The following ZFHX3 variants were observed in gnomAD, a reference collection of about 807,000 sequenced individuals.
ZFHX3 encodes zinc finger homeobox protein 3.
Under a neutral mutation model 279.1 loss-of-function variants are expected in ZFHX3, and 42 were observed. That is an observed-to-expected ratio of 0.15 (90% CI 0.12 to 0.19). The LOEUF (loss-of-function observed/expected upper bound fraction) is 0.19, where lower values mean the gene tolerates loss of function less well. Among genes scored for constraint, ZFHX3 ranks in the 10% least tolerant of loss-of-function variants. The pLI is 1.00. For synonymous variants in ZFHX3, 2,293 were observed against 1,957.8 expected (o/e 1.17, Z -4.52); for missense variants, 4,981 against 4,754.0 (o/e 1.05, Z -1.40).
rs1375258532 is a variant in ZFHX3 at position 72,900,392 on chromosome 16, G to A, written c.3217-10430C>T. ...AGCAGAAAAAAACACGTGTCTACTG[G>A]TCAAAACGGGTGTGCTACTTCATCT... On this transcript the variant is annotated intron_variant, in intron 3 of 9. Coordinates refer to ENST00000268489, the MANE Select transcript of ZFHX3 (RefSeq NM_006885.4). Among the ~76,000 whole-genome samples, 16 of 152,192 alleles carry A rather than the reference G, an allele frequency of 1.1e-4. 1 individual carries two copies. Among genetic ancestry groups the A allele is most frequent in the Admixed American group, 1.0e-3 (16 of 15,272 alleles).
chr16:73,539,564 G>C (rs1481047618), intron 2 of ZFHX3, among the ~76,000 whole-genome samples: 1 of 148,474 alleles, frequency 6.7e-6, no homozygotes, highest in African/African-American at 2.5e-5. Flanking sequence ...CCACAAAGCA[G>C]CATGCCAGCA....
chr16:72,903,475 T>G (rs969648858), intron 3 of ZFHX3, among the ~76,000 whole-genome samples: 2 of 152,138 alleles, frequency 1.3e-5, no homozygotes, highest in Non-Finnish European at 2.9e-5. Flanking sequence ...AGGGATAACC[T>G]CCTCATATGT....
chr16:73,298,425 C>G (rs1363236953), intron 4 of ZFHX3, among the ~76,000 whole-genome samples: 1 of 151,688 alleles, frequency 6.6e-6, no homozygotes, highest in Non-Finnish European at 1.5e-5. Flanking sequence ...CTCAGGTGCT[C>G]CGCCTACCTC....
chr16:73,235,838 G>A (rs1366242244), intron 5 of ZFHX3, among the ~76,000 whole-genome samples: 1 of 151,982 alleles, frequency 6.6e-6, no homozygotes, highest in Non-Finnish European at 1.5e-5. Flanking sequence ...GCTAGGCAAA[G>A]TTTCGTATTT....
intron 1 of ZFHX3, among the ~76,000 whole-genome samples, chr16:72,970,086 G>A (rs919717285): frequency 6.6e-6 from 1 of 152,242 alleles, no homozygotes; most frequent in African/African-American, 2.4e-5. Flanking sequence ...CCATTCTGCA[G>A]GGAATCCACA....
At chr16:73,127,178 G>T (rs1452383664) in intron 7 of ZFHX3, 3 of 376,448 alleles carry the variant, frequency 8.0e-6, no homozygotes, top group Non-Finnish European at 1.4e-5. Context: ...CCTGTTGGAA[G>T]AAGGGTCTGA....
At chr16:73,058,672 CGGCGGCGGCGGAGGACGCGCTGCT>C (rs1011171372) in exon 1 of ZFHX3, 21 of 222,442 alleles carry the variant, frequency 9.4e-5, no homozygotes, top group Non-Finnish European at 1.2e-4. Flanking sequence ...TGGCGGGGGT[CGGCGGCGGCGGAGGACGCGCTGCT>C]GGCGGCGGCG....
intron 7 of ZFHX3, among the ~76,000 whole-genome samples, chr16:73,112,385 G>C (rs750040710): frequency 7.2e-5 from 11 of 151,996 alleles, no homozygotes; most frequent in Non-Finnish European, 1.3e-4. Flanking sequence ...AAATTAAAAG[G>C]ATGACAACAA....
chr16:72,967,423 T>G (rs963032129), intron 1 of ZFHX3, among the ~76,000 whole-genome samples: 2 of 151,978 alleles, frequency 1.3e-5, no homozygotes, highest in Non-Finnish European at 2.9e-5. Flanking sequence ...CAACCCAATG[T>G]GTAACATAAC....
rs143430120 is a variant in ZFHX3, at chr16:73,771,943, T to G, written c.-1607-91703A>C. 5.0e-3 allele frequency among the ~76,000 whole-genome samples: 755 copies of G among 152,072 alleles called. 8 individuals carry two copies. The highest frequency in any genetic ancestry group is 0.017 in the African/African-American group (710 of 41,366). On this transcript the variant is annotated intron_variant, in intron 1 of 17. Transcript: ENST00000641206. ...CAGAGGCCTTTCTTCTGGGAGGATATAAATTACTTCTTCAGTCAGTCCACT... is the reference window on the plus strand; with the variant it reads ...CAGAGGCCTTTCTTCTGGGAGGATAGAAATTACTTCTTCAGTCAGTCCACT...
intron 2 of ZFHX3, among the ~76,000 whole-genome samples, chr16:73,601,977 G>C (rs1282427540): frequency 6.6e-6 from 1 of 152,054 alleles, no homozygotes; most frequent in African/African-American, 2.4e-5. Context: ...TTCCAATAAA[G>C]AAAATGAGGC....
intron 2 of ZFHX3, 28 bp from the exon 3 acceptor site, chr16:72,950,993 C>CGAA (rs778213941): frequency 6.3e-7 from 1 of 1,596,882 alleles, no homozygotes; most frequent in Non-Finnish European, 8.6e-7. Flanking sequence ...AGGAGAGAGT[C>CGAA]AGACACCAGG....
Position 72,797,957 on chromosome 16 carries a change from T to C in ZFHX3, c.4725A>G (p.Arg1575=). Residue 1575 remains arginine (R), a synonymous_variant, in exon 9 of 10, where the codon AGA becomes AGG. Coordinates refer to ENST00000268489, the MANE Select transcript of ZFHX3 (RefSeq NM_006885.4). The stretch of plus-strand genomic sequence containing the variant: ...GACCGGTTGCTGATTCTTGAAGGGC[T>C]CTCTTTAACTTATGCAGGTGGGAGA... ...NSVSHLHKLK[R]ALQESATGQP... 1 of 1,614,210 alleles carries C rather than the reference T, an allele frequency of 6.2e-7. No homozygotes were observed. The highest frequency in any genetic ancestry group is 8.5e-7 in the Non-Finnish European group (1 of 1,180,038).
At chr16:73,287,322 G>A (rs901547092) in intron 4 of ZFHX3, among the ~76,000 whole-genome samples, 6 of 144,434 alleles carry the variant, frequency 4.2e-5, no homozygotes, top group Admixed American at 2.0e-4. Context: ...TGGGTGTGTG[G>A]GCCAGTGTGT....
chr16:73,823,977 G>C (rs183308539), intron 1 of ZFHX3, among the ~76,000 whole-genome samples: 1 of 152,244 alleles, frequency 6.6e-6, no homozygotes, highest in African/African-American at 2.4e-5. Context: ...TTTGCTTCAC[G>C]GAATAACTAC....
intron 1 of ZFHX3, among the ~76,000 whole-genome samples, chr16:73,884,855 T>C (rs375788562): frequency 3.3e-5 from 5 of 152,232 alleles, no homozygotes; most frequent in Admixed American, 2.6e-4. Context: ...TATTGTTTAT[T>C]GTCCTCTTCC....
At chr16:73,832,776 A>G (rs1961032921) in intron 1 of ZFHX3, among the ~76,000 whole-genome samples, 1 of 152,122 alleles carries the variant, frequency 6.6e-6, no homozygotes, top group African/African-American at 2.4e-5. Flanking sequence ...ATGCTGGTAT[A>G]TGTTAAATAT....
intron 1 of ZFHX3, among the ~76,000 whole-genome samples, chr16:72,997,396 G>A (rs1433410322): frequency 2.0e-5 from 3 of 152,164 alleles, no homozygotes; most frequent in African/African-American, 7.2e-5. Context: ...CAAGAGGGCT[G>A]TTCCAAGTCT....
intron 3 of ZFHX3, among the ~76,000 whole-genome samples, chr16:73,451,287 CA>C (rs1330741061): frequency 6.6e-6 from 1 of 152,098 alleles, no homozygotes; most frequent in East Asian, 1.9e-4. Context: ...CCAGATCCAT[CA>C]AAAAATGCTT....
Sources: allele counts gnomAD v4.1 joint callset (sites outside exome capture counted in the v4.1 genomes callset), GRCh38; gene constraint gnomAD v4.1.1; transcripts MANE v1.5; gene names NCBI Gene and HGNC (gene_info 2026-07-23, HGNC 2026-07-21).